The following ZNF318 variants were observed in gnomAD, a reference collection of about 807,000 sequenced individuals.
The protein encoded by ZNF318 is zinc finger protein 318.
In ZNF318, 51 loss-of-function variants were observed where a neutral mutation model predicts 124.2. That is an observed-to-expected ratio of 0.41 (90% CI 0.33 to 0.52). The LOEUF is 0.52. Ranked by LOEUF, ZNF318 falls within the 20% of genes least tolerant of loss-of-function variation. The pLI, the probability that ZNF318 is intolerant of heterozygous loss-of-function variation, is 0.23. For synonymous variants in ZNF318, 1,090 were observed against 1,040.7 expected (o/e 1.05, Z -0.91); for missense variants, 2,815 against 2,811.2 (o/e 1.00, Z -0.03).
At chr6:43,356,217 A>T (rs1198917043) in intron 3 of ZNF318, 72 bp from the exon 4 acceptor site, 1 of 1,486,680 alleles carries the variant, frequency 6.7e-7, no homozygotes, top group African/African-American at 1.4e-5. Context: ...ATAAATACTT[A>T]AATACTTTGG....
At position 43,338,952 on chromosome 6, in the gene ZNF318, T is replaced by C; in HGVS notation, c.5046A>G (p.Gln1682=). 1 of 1,614,174 alleles carries C rather than the reference T, an allele frequency of 6.2e-7. No homozygotes were observed. Among genetic ancestry groups the C allele is most frequent in the Non-Finnish European group, 8.5e-7 (1 of 1,180,024 alleles). ...GFLQPLTRLC[Q]SRPYETITPK... is the part of the protein sequence containing the mutation. ...GGGTAATTGTTTCATAAGGCCTGCT[T>C]TGGCACAACCTTGTCAGAGGCTGTA... Residue 1682 remains glutamine (Q), a synonymous_variant, in exon 10 of 10, where the codon CAA becomes CAG. Coordinates refer to ENST00000361428, the MANE Select transcript of ZNF318 (RefSeq NM_014345.3).
In ZNF318 at chr6:43,369,495, GC is replaced by G; in HGVS notation, c.-131del. The G allele has an allele frequency of 1.4e-6, 1 of 714,444 alleles. No homozygotes were observed. The highest frequency in any genetic ancestry group is 1.8e-6 in the Non-Finnish European group (1 of 567,404). The allele number at this position is 714,444 out of a possible 1,614,324, so 44.3% of individuals were successfully genotyped here. A position where few individuals can be genotyped will look rare whatever the true frequency, so the allele number is the denominator to read the frequency against. On this transcript the variant is annotated 5_prime_UTR_variant, in exon 1 of 10. Coordinates refer to ENST00000361428, the MANE Select transcript of ZNF318 (RefSeq NM_014345.3). ...GCGCGCCGCCTCAGCCGCGGGAGCA[GC>G]CCCCTCCCCTCGGCCCCGCGTCGCC...
chr6:43,348,958 CAG>C (rs1311000358), intron 5 of ZNF318, among the ~76,000 whole-genome samples: 1 of 152,168 alleles, frequency 6.6e-6, no homozygotes, highest in African/African-American at 2.4e-5. Context: ...TGCTTGAACT[CAG>C]GGGGCGGAGC....
At chr6:43,349,758 G>C (rs779202364) in intron 5 of ZNF318, among the ~76,000 whole-genome samples, 18 of 152,228 alleles carry the variant, frequency 1.2e-4, no homozygotes, top group Non-Finnish European at 2.6e-4. Context: ...AAAAAGGAAG[G>C]CATCAGGGAA....
chr6:43,338,154 A>G lies in ZNF318; in HGVS notation c.5844T>C (p.Phe1948=). The G allele has an allele frequency of 6.2e-7, 1 of 1,613,820 alleles. No homozygotes were observed. The highest frequency in any genetic ancestry group is 8.5e-7 in the Non-Finnish European group (1 of 1,179,956). ...CCAACTCATAGATCTTTTTAACTTG[A>G]AAGTCTTTTGATCTTTCTCTCTTGA... ...LKLKRERSKD[F]QVKKIYELAV... Residue 1948 remains phenylalanine (F), a synonymous_variant, in exon 10 of 10, where the codon TTT becomes TTC. Coordinates refer to ENST00000361428, the MANE Select transcript of ZNF318 (RefSeq NM_014345.3).
chr6:43,354,926 G>A lies in ZNF318; in HGVS notation c.2408C>T (p.Pro803Leu). 2 of 1,611,364 alleles carry A rather than the reference G, an allele frequency of 1.2e-6. No individual in the cohort carries two copies. The highest frequency in any genetic ancestry group is 1.7e-6 in the Non-Finnish European group (2 of 1,178,186). ...TGACGGTTGAGAGGTGGGATACATG[G>A]GCCATCTGGAGGCTGCATATGCCAT... is the stretch of plus-strand genomic sequence containing the variant. ...HYMAYAASRW[P>L]MYPTSQPSNH... The change falls in exon 4 of 10, where the codon CCC becomes CTC. Residue 803 changes from proline (P) to leucine (L), a missense_variant. This residue lies in a region of ZNF318 where 1,377 missense variants were observed against 1,353.5 expected (regional missense o/e 1.02). Coordinates refer to ENST00000361428, the MANE Select transcript of ZNF318 (RefSeq NM_014345.3).
rs1562131133 is a variant in ZNF318, at chr6:43,348,522, C to T, written c.2874G>A (p.Glu958=). 3 of 1,614,164 alleles carry T rather than the reference C, an allele frequency of 1.9e-6. No individual in the cohort carries two copies. Among genetic ancestry groups the T allele is most frequent in the Admixed American group, 1.7e-5 (1 of 60,018 alleles). The part of the protein sequence containing the change: ...LQDNIMKDIA[E]LRQEAEEAEK... ...CTGCCTCTTCTGCCTCTTGCCGTAG[C>T]TCTGCAATGTCCTTCATAATGTTAT... The change falls in exon 6 of 10, where the codon GAG becomes GAA. Residue 958 remains glutamate, a synonymous_variant. Transcript: ENST00000361428.
Position 43,355,940 on chromosome 6 carries a change from G to T in ZNF318, c.1394C>A (p.Pro465His). Reference sequence around the variant, plus strand: ...AAAACTTCCAAATTTTTCTCTGAGAGGACTGTTGTCTTTGGGAATCCCAGG... The same window carrying T: ...AAAACTTCCAAATTTTTCTCTGAGATGACTGTTGTCTTTGGGAATCCCAGG... ...PLPGIPKDNSPLREKFGSFLC... is the reference protein window; with the variant it reads ...PLPGIPKDNSHLREKFGSFLC... Residue 465 changes from proline (P) to histidine (H), a missense_variant, in exon 4 of 10, where the codon CCT becomes CAT. Physicochemically the swap from Pro to His is moderately conservative, Grantham distance 77 (BLOSUM62 -2). Around this residue, in one of 4 missense-constraint regions of ZNF318, gnomAD observed 1,377 missense variants for 1,353.5 expected, o/e 1.02. Coordinates refer to ENST00000361428, the MANE Select transcript of ZNF318 (RefSeq NM_014345.3). 1 of 1,614,202 alleles carries T rather than the reference G, an allele frequency of 6.2e-7. No homozygotes were observed. Among genetic ancestry groups the T allele is most frequent in the Non-Finnish European group, 8.5e-7 (1 of 1,180,034 alleles).
chr6:43,339,992 A>G lies in ZNF318; in HGVS notation c.4006T>C (p.Trp1336Arg). ...GKTVVAHTSP[W>R]MPVVTTSTQT... The stretch of plus-strand genomic sequence containing the variant: ...GTGGAAGTTGTCACAACAGGCATCC[A>G]AGGGCTGGTATGTGCAACAACAGTT... Residue 1336 changes from tryptophan (W) to arginine (R), a missense_variant, in exon 10 of 10, where the codon TGG becomes CGG. This residue lies in a region of ZNF318 where 500 missense variants were observed against 605.2 expected (regional missense o/e 0.83). Coordinates refer to ENST00000361428, the MANE Select transcript of ZNF318 (RefSeq NM_014345.3). The surrounding 1 kb of genome is among the most constrained non-coding windows in gnomAD (Gnocchi z 4.2). 1 of 1,614,202 alleles carries G rather than the reference A, an allele frequency of 6.2e-7. No homozygotes were observed. The highest frequency in any genetic ancestry group is 1.1e-5 in the South Asian group (1 of 91,084).
In ZNF318 at chr6:43,339,203, C is replaced by T; in HGVS notation, c.4795G>A (p.Gly1599Arg). Residue 1599 changes from glycine (G) to arginine (R), a missense_variant, in exon 10 of 10, where the codon GGG becomes AGG. Transcript: ENST00000361428. This position sits in a 1 kb window ranked among gnomAD's most constrained non-coding sequence, Gnocchi z 4.2. ...GTTCTAGAGAGGTTGCTATTTTCCC[C>T]ATTGGCCAATGGACCACCACTTAGC... is the stretch of plus-strand genomic sequence containing the variant. The part of the protein sequence containing the change: ...TKLSGGPLAN[G>R]ENSNLSRTKS... 6.2e-7 allele frequency: 1 copy of T among 1,614,196 alleles called. No homozygotes were observed. The highest frequency in any genetic ancestry group is 1.1e-5 in the South Asian group (1 of 91,080).
At position 43,365,525 on chromosome 6, in the gene ZNF318, A is replaced by G; in HGVS notation, c.400-85T>C. ...AACTCTCCTCCCTAGTTACAAAGTT[A>G]GCCAGGCATGGTGGCTCATGCCTGT... On this transcript the variant is annotated intron_variant, in intron 1 of 9. Coordinates refer to ENST00000361428, the MANE Select transcript of ZNF318 (RefSeq NM_014345.3). 3 of 1,445,682 alleles carry G rather than the reference A, an allele frequency of 2.1e-6. No individual in the cohort carries two copies. The South Asian group carries it at 3.8e-5, about 18-fold the overall frequency. The allele number at this position is 1,445,682 out of a possible 1,614,324, so 89.6% of individuals were successfully genotyped here. A position where few individuals can be genotyped will look rare whatever the true frequency, so the allele number is the denominator to read the frequency against.
intron 2 of ZNF318, among the ~76,000 whole-genome samples, chr6:43,360,283 A>C (rs1779663447): frequency 6.6e-6 from 1 of 152,214 alleles, no homozygotes. Context: ...AGTTTTCTTA[A>C]AAAAGCTATC....
chr6:43,364,855 C>T (rs936154555), intron 2 of ZNF318, among the ~76,000 whole-genome samples: 1 of 152,148 alleles, frequency 6.6e-6, no homozygotes, highest in Non-Finnish European at 1.5e-5. Flanking sequence ...ATGAACTTAC[C>T]TAACCCTTTC....
At chr6:43,346,201 A>G in intron 6 of ZNF318, among the ~76,000 whole-genome samples, 1 of 143,260 alleles carries the variant, frequency 7.0e-6, no homozygotes, top group East Asian at 1.9e-4. Context: ...AAAAAAAAAA[A>G]AAAAAAAATG....
rs1322021130 is a variant in ZNF318 at position 43,355,259 on chromosome 6, G to A, written c.2075C>T (p.Ser692Phe). ...HHSNTHSPEV[S>F]HPHPPSPVDP... ...CACAGGAGAAGGTGGGTGTGGATGG[G>A]ACACCTCTGGAGAGTGGGTATTGCT... Residue 692 changes from serine (S) to phenylalanine (F), a missense_variant, in exon 4 of 10, where the codon TCC becomes TTC. Coordinates refer to ENST00000361428, the MANE Select transcript of ZNF318 (RefSeq NM_014345.3). The A allele has an allele frequency of 6.2e-7, 1 of 1,614,196 alleles. No individual in the cohort carries two copies. Among genetic ancestry groups the A allele is most frequent in the South Asian group, 1.1e-5 (1 of 91,078 alleles).
rs745352701 is a variant in ZNF318, at chr6:43,357,174, G to A, written c.1140C>T (p.Ser380=). 1 of 1,614,126 alleles carries A rather than the reference G, an allele frequency of 6.2e-7. No homozygotes were observed. Among genetic ancestry groups the A allele is most frequent in the Admixed American group, 1.7e-5 (1 of 60,026 alleles). ...PEEVSVMPKK[S]ILKKRIEVDI... The stretch of plus-strand genomic sequence containing the variant: ...CCACCTCAATCCGCTTCTTCAAAAT[G>A]GATTTCTTGGGCATCACAGATACTT... The change falls in exon 3 of 10, where the codon TCC becomes TCT. Residue 380 remains serine, a synonymous_variant. Transcript: ENST00000361428.
chr6:43,337,421 C>T lies in ZNF318; in HGVS notation c.6577G>A (p.Glu2193Lys). ...QKDKLCSPLS[E>K]PGDPSKCSSL... ...CTACATTTAGAAGGGTCACCTGGCT[C>T]AGAGAGTGGAGAACACAGTTTATCT... The change falls in exon 10 of 10, where the codon GAG becomes AAG. Residue 2193 changes from glutamate (E) to lysine (K), a missense_variant. Around this residue, in one of 4 missense-constraint regions of ZNF318, gnomAD observed 927 missense variants for 820.6 expected, o/e 1.13. Transcript: ENST00000361428. 6.2e-7 allele frequency: 1 copy of T among 1,614,172 alleles called. No individual in the cohort carries two copies. The highest frequency in any genetic ancestry group is 8.5e-7 in the Non-Finnish European group (1 of 1,180,028).
rs747362575 is a variant in ZNF318 at position 43,354,988 on chromosome 6, G to A, written c.2346C>T (p.Ala782=). 3.2e-5 allele frequency: 52 copies of A among 1,610,246 alleles called. No individual in the cohort carries two copies. The East Asian group carries it at 3.8e-4, about 12-fold the overall frequency. ...AGGCATCAAAAGAGGCAGGGGGAATGGCAGGTCCCTGGTAGTTCGGAGGTA... is the reference window on the plus strand; with the variant it reads ...AGGCATCAAAAGAGGCAGGGGGAATAGCAGGTCCCTGGTAGTTCGGAGGTA... The part of the protein sequence containing the change: ...ARIPPNYQGP[A]IPPASFDAYR... Residue 782 remains alanine (A), a synonymous_variant, in exon 4 of 10, where the codon GCC becomes GCT. Coordinates refer to ENST00000361428, the MANE Select transcript of ZNF318 (RefSeq NM_014345.3).
At chr6:43,361,655 T>C (rs1779683521) in intron 2 of ZNF318, among the ~76,000 whole-genome samples, 1 of 152,242 alleles carries the variant, frequency 6.6e-6, no homozygotes, top group African/African-American at 2.4e-5. Context: ...GAAATCAACC[T>C]AACATCCACA....
Sources: gnomAD v4.1 joint callset for allele counts (sites outside exome capture counted in the v4.1 genomes callset) on GRCh38, gnomAD v4.1.1 for gene constraint, gnomAD v4.1.1 regional missense constraint, Gnocchi (gnomAD v3.1) non-coding constraint, MANE v1.5 for transcripts, NCBI Gene and HGNC (gene_info 2026-07-23, HGNC 2026-07-21) for gene names.